Variants in MED12 observed in about 807,000 individuals in gnomAD.
The protein encoded by MED12 is mediator of RNA polymerase II transcription subunit 12.
A neutral mutation model predicts 177.7 loss-of-function variants in MED12; 10 were observed. That is an observed-to-expected ratio of 0.06 (90% CI 0.03 to 0.10). The LOEUF (loss-of-function observed/expected upper bound fraction) is 0.10. Ranked by LOEUF, MED12 falls within the 10% of genes least tolerant of loss-of-function variation. The probability of loss-of-function intolerance (pLI) is 1.00; values close to 1 mark genes in which losing one functional copy is unlikely to be tolerated. For synonymous variants in MED12, 641 were observed against 678.4 expected (o/e 0.94, Z 0.86); for missense variants, 867 against 1,780.8 (o/e 0.49, Z 9.23).
In MED12 at chrX:71,121,408, C is replaced by T. The variant is rs1219519252; in HGVS notation, c.817C>T (p.Leu273Phe). Residue 273 changes from leucine to phenylalanine, a missense_variant, in exon 6 of 45, where the codon CTT (leucine) becomes TTT (phenylalanine). By Grantham distance (22) the Leu-to-Phe change is conservative (BLOSUM62 0). Coordinates refer to ENST00000374080, the MANE Select transcript of MED12 (RefSeq NM_005120.3). ...EKIRPGEDEL[L>F]KLLLPLLLRY... Reference sequence around the variant, plus strand: ...GATCCGCCCTGGAGAGGATGAATTGCTTAAACTGCTGCTGCCTCTGCTTCT... The same window carrying T: ...GATCCGCCCTGGAGAGGATGAATTGTTTAAACTGCTGCTGCCTCTGCTTCT... 7 of 1,209,911 alleles carry T rather than the reference C, an allele frequency of 5.8e-6. No individual in the cohort carries two copies. Among genetic ancestry groups the T allele is most frequent in the Non-Finnish European group, 7.8e-6 (7 of 895,177 alleles).
At chrX:71,126,884 G>A in intron 19 of MED12, 85 bp from the exon 20 acceptor site, 1 of 1,033,248 alleles carries the variant, frequency 9.7e-7, no homozygotes, top group Non-Finnish European at 1.4e-6. Context: ...CTCAGGCCCA[G>A]CCTTGCCAGC....
rs2092322513 is a variant in MED12 at position 71,132,967 on chromosome X, C to G, written c.4527+11C>G. The G allele has an allele frequency of 2.6e-6, 3 of 1,159,369 alleles. No individual in the cohort carries two copies. The highest frequency in any genetic ancestry group is 2.4e-5 in the Admixed American group (1 of 41,189). ...AGCCAGGTGCACCAGGTACAGATCT[C>G]TGGGCCATGGAGGTGGGCAGGAGGT... On this transcript the variant is annotated intron_variant, in intron 32 of 44. Transcript: ENST00000374080.
In MED12 at chrX:71,129,347, C is replaced by T. The variant is rs751742488; in HGVS notation, c.3609C>T (p.Cys1203=). 92 of 1,206,559 alleles carry T rather than the reference C, an allele frequency of 7.6e-5. 1 individual carries two copies. In the South Asian group the frequency reaches 1.3e-3, roughly 17 times the overall value. The part of the protein sequence containing the change: ...NKPTVGIRSS[C]DRHLLAASQN... ...CTACAGTAGGAATCCGCTCCTCCTGCGACCGCCACCTGCTGGCTGCCTCCC... is the reference window on the plus strand; with the variant it reads ...CTACAGTAGGAATCCGCTCCTCCTGTGACCGCCACCTGCTGGCTGCCTCCC... The change falls in exon 26 of 45, where the codon TGC becomes TGT. Residue 1203 remains cysteine, a synonymous_variant. Coordinates refer to ENST00000374080, the MANE Select transcript of MED12 (RefSeq NM_005120.3).
chrX:71,141,348 C>T lies in MED12; in HGVS notation c.6386C>T (p.Pro2129Leu). ...QQQQQAAPPQPQPQSQPQFQR... is the reference protein window; with the variant it reads ...QQQQQAAPPQLQPQSQPQFQR... The stretch of plus-strand genomic sequence containing the variant: ...CAGCAACAGGCGGCTCCTCCCCAAC[C>T]CCAGCCCCAGTCCCAGCCCCAGGTA... Residue 2129 changes from proline (P) to leucine (L), a missense_variant, in exon 43 of 45, where the codon CCC becomes CTC. Transcript: ENST00000374080. 4 of 1,161,927 alleles carry T rather than the reference C, an allele frequency of 3.4e-6. No individual in the cohort carries two copies. Among genetic ancestry groups the T allele is most frequent in the South Asian group, 1.9e-5 (1 of 52,402 alleles).
chrX:71,142,116 C>T (rs1260166631), intron 44 of MED12, 59 bp from the exon 45 acceptor site: 2 of 1,148,903 alleles, frequency 1.7e-6, no homozygotes, highest in Non-Finnish European at 2.4e-6. Context: ...CAGCTTTCCT[C>T]GTGCATACCC....
intron 25 of MED12, 26 bp downstream of exon 25, chrX:71,129,241 C>G (rs1482716074): frequency 4.2e-6 from 5 of 1,177,676 alleles, no homozygotes; most frequent in Non-Finnish European, 5.8e-6. Context: ...CTGAACCAGC[C>G]AACAGTAGAA....
intron 43 of MED12, 81 bp downstream of exon 43, chrX:71,141,451 T>A (rs1375580465): frequency 9.0e-7 from 1 of 1,112,038 alleles, no homozygotes; most frequent in African/African-American, 1.8e-5. Context: ...TTGGGGACAG[T>A]ATGGAATAGG....
In MED12 at chrX:71,133,102, T is replaced by C. The variant is rs73634862; in HGVS notation, c.4528-21T>C. 1,277 of 1,128,155 alleles carry C rather than the reference T, an allele frequency of 1.1e-3. 17 individuals carry two copies. The African/African-American group carries it at 0.021, about 19-fold the overall frequency. 93.0% of individuals were successfully genotyped at this position (1,128,155 alleles called of 1,213,427 possible). On this transcript the variant is annotated intron_variant, in intron 32 of 44. Coordinates refer to ENST00000374080, the MANE Select transcript of MED12 (RefSeq NM_005120.3). ...AACACGAAGATCCCTGAGCTGCATA[T>C]TTTATTTGTTTCTATTCTAGATTGT...
In MED12 at chrX:71,130,277, G is replaced by C. The variant is rs1439857749; in HGVS notation, c.4047+63G>C. ...GGCCCAATCTGGGGAGAAACAATAG[G>C]AACCTTGAGAAAAGGAGAGGGGCAG... On this transcript the variant is annotated intron_variant, in intron 28 of 44. Coordinates refer to ENST00000374080, the MANE Select transcript of MED12 (RefSeq NM_005120.3). 6 of 1,074,886 alleles carry C rather than the reference G, an allele frequency of 5.6e-6. No individual in the cohort carries two copies. The East Asian group carries it at 1.9e-4, about 34-fold the overall frequency. The allele number at this position is 1,074,886 out of a possible 1,213,427, so 88.6% of individuals were successfully genotyped here.
chrX:71,124,964 C>T lies in MED12; in HGVS notation c.2056-12C>T, dbSNP rs1461250439. On this transcript the variant is annotated splice_polypyrimidine_tract_variant and intron_variant, in intron 14 of 44. Coordinates refer to ENST00000374080, the MANE Select transcript of MED12 (RefSeq NM_005120.3). ...CTTCTTCTCATGTTCTGCTTTCTCA[C>T]CTTTCTCTCAGTTGTTCTCCCCTAC... 1.7e-6 allele frequency: 2 copies of T among 1,207,938 alleles called. No individual in the cohort carries two copies.
intron 24 of MED12, 182 bp from the exon 25 acceptor site, chrX:71,128,932 C>A: frequency 1.8e-6 from 1 of 561,763 alleles, no homozygotes; most frequent in South Asian, 2.6e-5. Context: ...GACCCTTCAA[C>A]TGCGTAACAG....
intron 36 of MED12, 65 bp from the exon 37 acceptor site, chrX:71,136,216 C>T (rs984270096): frequency 1.7e-6 from 2 of 1,180,997 alleles, no homozygotes; most frequent in Non-Finnish European, 2.3e-6. Context: ...CCCATTCCTA[C>T]AAATGCTTGC....
intron 41 of MED12, 65 bp downstream of exon 41, chrX:71,138,008 A>G (rs2092336942): frequency 9.2e-7 from 1 of 1,086,409 alleles, no homozygotes; most frequent in African/African-American, 1.8e-5. Context: ...GACTTGGGAA[A>G]GCCTGTGCCT....
Position 71,134,462 on chromosome X carries a change from A to G in MED12, c.4723A>G (p.Asn1575Asp). 1 of 1,124,327 alleles carries G rather than the reference A, an allele frequency of 8.9e-7. No individual in the cohort carries two copies. Among genetic ancestry groups the G allele is most frequent in the Non-Finnish European group, 1.2e-6 (1 of 832,436 alleles). 92.7% of individuals were successfully genotyped at this position (1,124,327 alleles called of 1,213,427 possible). The change falls in exon 34 of 45, where the codon AAC becomes GAC. Residue 1575 changes from asparagine to aspartate, a missense_variant. Around this residue, in one of 14 missense-constraint regions of MED12, gnomAD observed 34 missense variants for 58.9 expected, o/e 0.58. Transcript: ENST00000374080. ...CAGCGGCACTGTCGACATGCAGTCC[A>G]ACAAGTAAAGCATCCCCACCCGCTC... The part of the protein sequence containing the change: ...IISGTVDMQS[N>D]NELFTTVLDM...
chrX:71,136,493 A>G lies in MED12; in HGVS notation c.5238A>G (p.Pro1746=). 8.3e-7 allele frequency: 1 copy of G among 1,206,897 alleles called. No individual in the cohort carries two copies. Among genetic ancestry groups the G allele is most frequent in the Non-Finnish European group, 1.1e-6 (1 of 893,342 alleles). ...ACCTGGAGCCACTGCCACTGCCCCC[A>G]GAAGATGAGGAGCCGCCTGCTCCTA... ...AYYLEPLPLP[P]EDEEPPAPTL... Residue 1746 remains proline (P), a synonymous_variant, in exon 37 of 45, where the codon CCA becomes CCG. Transcript: ENST00000374080.
At position 71,133,263 on chromosome X, in the gene MED12, G is replaced by A. The variant is rs180686238; in HGVS notation, c.4617+51G>A. ...AGGAAGAGGGTAGGGCTGGAAATGC[G>A]GAGTGCAAAAGCCTCAGGTTGGGGA... On this transcript the variant is annotated intron_variant, in intron 33 of 44. Transcript: ENST00000374080. 4.9e-4 allele frequency: 443 copies of A among 897,109 alleles called. 3 individuals are homozygous for A. The highest frequency in any genetic ancestry group is 4.2e-3 in the African/African-American group (215 of 51,018). The allele number at this position is 897,109 out of a possible 1,213,427, so 73.9% of individuals were successfully genotyped here. A position where few individuals can be genotyped will look rare whatever the true frequency, so the allele number is the denominator to read the frequency against.
At position 71,119,894 on chromosome X, in the gene MED12, T is replaced by G; in HGVS notation, c.396+17T>G. On this transcript the variant is annotated intron_variant, in intron 3 of 44. Coordinates refer to ENST00000374080, the MANE Select transcript of MED12 (RefSeq NM_005120.3). ...GCCAAAAAGGTAAGGTACTGTTTCC[T>G]GTCCTTCAGGCCAAGGAGGGAGCAT... is the stretch of plus-strand genomic sequence containing the variant. The G allele has an allele frequency of 8.3e-7, 1 of 1,210,786 alleles. No homozygotes were observed. Among genetic ancestry groups the G allele is most frequent in the Non-Finnish European group, 1.1e-6 (1 of 894,618 alleles).
intron 28 of MED12, among the ~76,000 whole-genome samples, chrX:71,131,125 CTT>C (rs754896365): frequency 2.9e-4 from 23 of 80,238 alleles, no homozygotes; most frequent in South Asian, 1.9e-3. Flanking sequence ...TAAATGTAGT[CTT>C]TTTTTTTTTT....
chrX:71,133,046 C>A (rs2092322707), intron 32 of MED12, 77 bp from the exon 33 acceptor site: 2 of 1,040,471 alleles, frequency 1.9e-6, no homozygotes, highest in African/African-American at 1.8e-5. Flanking sequence ...TCAGTACTTT[C>A]TGATAAACAT....
Sources: allele counts gnomAD v4.1 joint callset (sites outside exome capture counted in the v4.1 genomes callset), GRCh38; gene constraint gnomAD v4.1.1; regional missense constraint gnomAD v4.1.1; transcripts MANE v1.5; gene names NCBI Gene and HGNC (gene_info 2026-07-23, HGNC 2026-07-21).